Variants in UBE2E2 observed in about 807,000 individuals in gnomAD.
The protein encoded by UBE2E2 is ubiquitin conjugating enzyme E2 E2.
UBE2E2 carries 6 observed loss-of-function variants against 24.7 expected under a neutral mutation model. The observed-to-expected ratio is 0.24, with a 90% CI of 0.13 to 0.48. The LOEUF (loss-of-function observed/expected upper bound fraction) is 0.48, where lower values mean the gene tolerates loss of function less well. Ranked by LOEUF, UBE2E2 falls within the 20% of genes least tolerant of loss-of-function variation. UBE2E2 has a pLI of 0.99. For missense variants in UBE2E2, 169 were observed against 245.0 expected, an observed-to-expected ratio of 0.69 and a Z score of 2.07; for synonymous variants, 104 against 83.6, an observed-to-expected ratio of 1.24 and a Z score of -1.33.
At chr3:23,547,241 G>C (rs765494005) in intron 5 of UBE2E2, among the ~76,000 whole-genome samples, 7 of 152,158 alleles carry the variant, frequency 4.6e-5, no homozygotes, top group Non-Finnish European at 7.4e-5. Flanking sequence ...TTCTGTGTCT[G>C]TTGTCCAGCT....
At chr3:23,585,370 CA>C (rs71620785) in intron 5 of UBE2E2, among the ~76,000 whole-genome samples, 1,185 of 86,114 alleles carry the variant, frequency 0.014, 14 homozygotes, top group African/African-American at 0.038. Flanking sequence ...GACCCTGTCT[CA>C]AAAAAAAAAA....
intron 3 of UBE2E2, among the ~76,000 whole-genome samples, chr3:23,276,266 A>T (rs964562182): frequency 6.6e-6 from 1 of 152,096 alleles, no homozygotes; most frequent in Admixed American, 6.5e-5. Context: ...TTATAGTTTT[A>T]TGGAAAAAAT....
At chr3:23,351,978 T>C (rs1695769519) in intron 3 of UBE2E2, among the ~76,000 whole-genome samples, 1 of 152,074 alleles carries the variant, frequency 6.6e-6, no homozygotes, top group African/African-American at 2.4e-5. Context: ...ACCACATAAT[T>C]GGAAGTAAAG....
At chr3:23,259,442 G>T (rs760323772) in intron 3 of UBE2E2, among the ~76,000 whole-genome samples, 1 of 151,712 alleles carries the variant, frequency 6.6e-6, no homozygotes. Flanking sequence ...AAAAAGTATT[G>T]TTTGAAAACC....
intron 3 of UBE2E2, among the ~76,000 whole-genome samples, chr3:23,326,655 C>A (rs888541910): frequency 6.6e-6 from 1 of 152,124 alleles, no homozygotes; most frequent in Non-Finnish European, 1.5e-5. Context: ...CTTTTAATGG[C>A]ACATAAAGGT....
chr3:23,568,736 T>TATATATATATATATGTATAC (rs1553621707), intron 5 of UBE2E2, among the ~76,000 whole-genome samples: 5 of 83,568 alleles, frequency 6.0e-5, no homozygotes, highest in African/African-American at 2.8e-4. Context: ...TATGTATACA[T>TATATATATATATATGTATAC]ATATATATAT....
At chr3:23,287,686 A>G (rs547247590) in intron 3 of UBE2E2, among the ~76,000 whole-genome samples, 4 of 150,822 alleles carry the variant, frequency 2.7e-5, no homozygotes, top group Non-Finnish European at 5.9e-5. Context: ...TGTTTCTTCT[A>G]GGTTTTCAGA....
At chr3:23,288,766 A>G (rs1388674904) in intron 3 of UBE2E2, among the ~76,000 whole-genome samples, 1 of 150,896 alleles carries the variant, frequency 6.6e-6, no homozygotes, top group Non-Finnish European at 1.5e-5. Context: ...TTACAATGTA[A>G]AAAAAAAAAC....
intron 3 of UBE2E2, among the ~76,000 whole-genome samples, chr3:23,392,707 T>G (rs1696968767): frequency 6.6e-6 from 1 of 152,156 alleles, no homozygotes; most frequent in Non-Finnish European, 1.5e-5. Flanking sequence ...TAGTAAAATG[T>G]TAGCTCTTTT....
chr3:23,205,131 T>C (rs1696112778), intron 1 of UBE2E2, among the ~76,000 whole-genome samples: 2 of 152,190 alleles, frequency 1.3e-5, no homozygotes, highest in Non-Finnish European at 2.9e-5. Context: ...GAAGTAACAA[T>C]ATGTAAGCCT....
intron 5 of UBE2E2, among the ~76,000 whole-genome samples, chr3:23,541,638 T>C (rs969220860): frequency 6.6e-5 from 10 of 152,268 alleles, no homozygotes; most frequent in African/African-American, 2.4e-4. Context: ...CAGGGAAACC[T>C]GTTGCCACAT....
intron 4 of UBE2E2, among the ~76,000 whole-genome samples, chr3:23,530,877 C>T (rs1359648616): frequency 6.6e-6 from 1 of 152,190 alleles, no homozygotes; most frequent in African/African-American, 2.4e-5. Flanking sequence ...CTTCCCAAAA[C>T]CCCACCCATG....
chr3:23,359,756 C>T (rs1696062113), intron 3 of UBE2E2, among the ~76,000 whole-genome samples: 2 of 152,004 alleles, frequency 1.3e-5, no homozygotes, highest in Admixed American at 6.6e-5. Flanking sequence ...GGAAATTATA[C>T]TTGCACCTTG....
chr3:23,508,091 CAT>C (rs1694496299), intron 4 of UBE2E2, among the ~76,000 whole-genome samples: 1 of 152,184 alleles, frequency 6.6e-6, no homozygotes, highest in East Asian at 1.9e-4. Context: ...GCTTACATCA[CAT>C]GAGTCAGTTT....
At chr3:23,568,577 A>T (rs1175119347) in intron 5 of UBE2E2, among the ~76,000 whole-genome samples, 1 of 143,656 alleles carries the variant, frequency 7.0e-6, no homozygotes, top group African/African-American at 2.6e-5. Context: ...TGTATATCTT[A>T]TATATAATTA....
chr3:23,451,604 G>A (rs1698563897), intron 3 of UBE2E2, among the ~76,000 whole-genome samples: 1 of 152,202 alleles, frequency 6.6e-6, no homozygotes, highest in African/African-American at 2.4e-5. Flanking sequence ...AGTGTAGTAA[G>A]ATGTACTTTT....
chr3:23,533,532 T>C (rs1172662311), intron 5 of UBE2E2, among the ~76,000 whole-genome samples: 1 of 152,158 alleles, frequency 6.6e-6, no homozygotes, highest in African/African-American at 2.4e-5. Flanking sequence ...CTGGCTGTTT[T>C]ATAAAACATC....
chr3:23,352,358 G>A (rs1391411768), intron 3 of UBE2E2, among the ~76,000 whole-genome samples: 2 of 152,100 alleles, frequency 1.3e-5, no homozygotes, highest in Non-Finnish European at 2.9e-5. Flanking sequence ...TCAAAACCTA[G>A]CAGAAGGCAA....
intron 3 of UBE2E2, among the ~76,000 whole-genome samples, chr3:23,259,632 C>T (rs569188552): frequency 6.6e-6 from 1 of 151,292 alleles, no homozygotes; most frequent in Non-Finnish European, 1.5e-5. Context: ...AATTTAGGGG[C>T]CAAAGGCTGT....
Sources: allele counts gnomAD v4.1 joint callset (sites outside exome capture counted in the v4.1 genomes callset), GRCh38; gene constraint gnomAD v4.1.1; transcripts MANE v1.5; gene names NCBI Gene and HGNC (gene_info 2026-07-23, HGNC 2026-07-21).